COL24A1: variants seen among roughly 807,000 people sequenced by gnomAD.
COL24A1 encodes the protein collagen type XXIV alpha 1 chain, also known as collagen alpha-1(XXIV) chain.
COL24A1 carries 224 observed loss-of-function variants against 253.9 expected under a neutral mutation model. The ratio of observed to expected loss-of-function variants is 0.88; its 90% CI spans 0.79 to 0.99. The LOEUF (loss-of-function observed/expected upper bound fraction) is 0.99. Ranked by LOEUF, COL24A1 falls within the 50% of genes least tolerant of loss-of-function variation. The pLI is 0.00. For missense variants in COL24A1, 2,131 were observed against 2,068.5 expected, an observed-to-expected ratio of 1.03 and a Z score of -0.59; for synonymous variants, 685 against 673.7, an observed-to-expected ratio of 1.02 and a Z score of -0.26.
At chr1:86,151,911 T>A (rs1652828702) in intron 1 of COL24A1, among the ~76,000 whole-genome samples, 1 of 152,178 alleles carries the variant, frequency 6.6e-6, no homozygotes, top group Non-Finnish European at 1.5e-5. Flanking sequence ...TTGAAAATGG[T>A]GAACAAATCT....
chr1:85,766,355 C>A lies in COL24A1; in HGVS notation c.4375-4789G>T, dbSNP rs111439892. On this transcript the variant is annotated intron_variant, in intron 53 of 59. Transcript: ENST00000370571. The stretch of plus-strand genomic sequence containing the variant: ...CTGCACTCCAGCCTATGCAACAGAA[C>A]AAGACTCTGTCTCAAAAAAAAAAAA... Among the ~76,000 whole-genome samples the A allele has an allele frequency of 2.5e-3, 145 of 58,716 alleles. 1 individual carries two copies. Among genetic ancestry groups the A allele is most frequent in the African/African-American group, 0.01 (133 of 13,102 alleles). 38.5% of individuals were successfully genotyped at this position (58,716 alleles called of 152,430 possible).
At chr1:85,957,202 C>CA (rs1365000626) in intron 24 of COL24A1, among the ~76,000 whole-genome samples, 1 of 152,002 alleles carries the variant, frequency 6.6e-6, no homozygotes, top group African/African-American at 2.4e-5. Flanking sequence ...GGATGGGGTG[C>CA]AAGGGGAGGG....
intron 47 of COL24A1, among the ~76,000 whole-genome samples, chr1:85,809,668 A>G (rs892282248): frequency 6.6e-6 from 1 of 151,840 alleles, no homozygotes; most frequent in African/African-American, 2.4e-5. Flanking sequence ...GAGTCAACTT[A>G]TATCAGATTT....
intron 31 of COL24A1, among the ~76,000 whole-genome samples, chr1:85,893,261 A>C (rs1683312060): frequency 6.6e-6 from 1 of 151,540 alleles, no homozygotes; most frequent in Non-Finnish European, 1.5e-5. Context: ...ACCAGGAGTA[A>C]AAAGTATTAC....
At chr1:85,736,401 T>A (rs1235286645) in intron 58 of COL24A1, 1 of 456,216 alleles carries the variant, frequency 2.2e-6, no homozygotes, top group Non-Finnish European at 4.4e-6. Flanking sequence ...TCTTCTTTCC[T>A]TCTATGATAA....
intron 2 of COL24A1, among the ~76,000 whole-genome samples, chr1:86,141,073 A>G (rs1322253692): frequency 1.3e-5 from 2 of 152,214 alleles, no homozygotes; most frequent in Admixed American, 6.5e-5. Context: ...TACAGGGAAA[A>G]AGTTAATGAG....
chr1:86,109,127 C>A (rs1306041683), intron 5 of COL24A1, among the ~76,000 whole-genome samples: 1 of 152,146 alleles, frequency 6.6e-6, no homozygotes, highest in Non-Finnish European at 1.5e-5. Context: ...GCTACTTTAA[C>A]CTTACTAAAC....
chr1:85,945,726 A>G (rs542420535), intron 24 of COL24A1, among the ~76,000 whole-genome samples: 19 of 151,026 alleles, frequency 1.3e-4, no homozygotes, highest in Non-Finnish European at 2.2e-4. Flanking sequence ...GAAGGGACCC[A>G]CCTTCAGACT....
chr1:85,768,447 C>A (rs1261715713), intron 53 of COL24A1, among the ~76,000 whole-genome samples: 1 of 151,892 alleles, frequency 6.6e-6, no homozygotes, highest in Non-Finnish European at 1.5e-5. Flanking sequence ...AACCGGGAGT[C>A]CAGGAGGGAT....
At chr1:85,974,287 C>A (rs897690664) in intron 20 of COL24A1, among the ~76,000 whole-genome samples, 46 of 151,906 alleles carry the variant, frequency 3.0e-4, no homozygotes, top group African/African-American at 9.9e-4. Context: ...AGTTTACAGG[C>A]GCACCTGGAG....
intron 24 of COL24A1, among the ~76,000 whole-genome samples, chr1:85,938,779 T>C (rs1034687052): frequency 3.3e-5 from 4 of 119,424 alleles, no homozygotes; most frequent in African/African-American, 8.9e-5. Flanking sequence ...AAGGTACATA[T>C]ACCTTTCCCA....
At chr1:85,810,038 G>C (rs1171140809) in intron 47 of COL24A1, among the ~76,000 whole-genome samples, 1 of 150,380 alleles carries the variant, frequency 6.6e-6, no homozygotes, top group Non-Finnish European at 1.5e-5. Context: ...GGTGAGGAAG[G>C]AGGTCAGCAG....
At chr1:85,845,720 TA>T (rs1305572768) in intron 39 of COL24A1, among the ~76,000 whole-genome samples, 1 of 151,728 alleles carries the variant, frequency 6.6e-6, no homozygotes, top group Admixed American at 6.6e-5. Flanking sequence ...AGGATTATAT[TA>T]ACACTGAGAA....
At chr1:86,112,391 A>G (rs1705701586) in intron 5 of COL24A1, among the ~76,000 whole-genome samples, 176 bp downstream of exon 5, 1 of 152,200 alleles carries the variant, frequency 6.6e-6, no homozygotes, top group African/African-American at 2.4e-5. Context: ...GTGGGCTTTC[A>G]GAGGAACCTA....
At chr1:85,995,178 T>A (rs997666437) in intron 19 of COL24A1, among the ~76,000 whole-genome samples, 1 of 152,192 alleles carries the variant, frequency 6.6e-6, no homozygotes, top group African/African-American at 2.4e-5. Context: ...AAAAGATTGA[T>A]TCTTGCTCTG....
intron 5 of COL24A1, among the ~76,000 whole-genome samples, chr1:86,094,825 T>C (rs760529536): frequency 1.8e-4 from 28 of 151,968 alleles, no homozygotes; most frequent in Non-Finnish European, 3.4e-4. Flanking sequence ...TTAGAATTTA[T>C]AAGAGTAATT....
In COL24A1 at chr1:86,075,131, A is replaced by G. The variant is rs575671050; in HGVS notation, c.1708-11372T>C. Among the ~76,000 whole-genome samples the G allele has an allele frequency of 1.6e-4, 24 of 152,244 alleles. No individual in the cohort carries two copies. In the East Asian group the frequency reaches 1.9e-3, roughly 12 times the overall value. ...GTTTCTAAAAAAAGATCAACAAAAT[A>G]GATAGACCACTAGCCAGACTAACAA... On this transcript the variant is annotated intron_variant, in intron 7 of 59. Transcript: ENST00000370571.
At position 85,818,055 on chromosome 1, in the gene COL24A1, A is replaced by T. The variant is rs377061650; in HGVS notation, c.3822T>A (p.Pro1274=). ...TTACAGGAATCCCAGGTTTCCCAGA[A>T]GGACCAGGAGCTCCTTTTTTCCCCT... is the stretch of plus-strand genomic sequence containing the variant. ...GNKGKKGAPG[P]SGKPGIPGLQ... is the part of the protein sequence containing the mutation. The change falls in exon 46 of 60, where the codon CCT becomes CCA. Residue 1274 remains proline (P), a synonymous_variant. Coordinates refer to ENST00000370571, the MANE Select transcript of COL24A1 (RefSeq NM_152890.7). 2 of 1,613,784 alleles carry T rather than the reference A, an allele frequency of 1.2e-6. No individual in the cohort carries two copies. Among genetic ancestry groups the T allele is most frequent in the Admixed American group, 3.3e-5 (2 of 60,006 alleles).
At chr1:86,144,987 A>C (rs1342793992) in intron 2 of COL24A1, among the ~76,000 whole-genome samples, 1 of 152,132 alleles carries the variant, frequency 6.6e-6, no homozygotes, top group African/African-American at 2.4e-5. Flanking sequence ...CTTGGTTAAG[A>C]ATAGTTTTTC....
Sources: allele counts gnomAD v4.1 joint callset (sites outside exome capture counted in the v4.1 genomes callset), GRCh38; gene constraint gnomAD v4.1.1; transcripts MANE v1.5; gene names NCBI Gene and HGNC (gene_info 2026-07-23, HGNC 2026-07-21).